The following ATG13 variants were observed in gnomAD, a reference collection of about 807,000 sequenced individuals.
ATG13 encodes autophagy related 13, also known as autophagy-related protein 13.
In ATG13, 23 loss-of-function variants were observed where a neutral mutation model predicts 65.5. That is an observed-to-expected ratio of 0.35 (90% CI 0.25 to 0.50). The LOEUF (loss-of-function observed/expected upper bound fraction) is 0.50, where lower values mean the gene tolerates loss of function less well. Among genes scored for constraint, ATG13 ranks in the 20% least tolerant of loss-of-function variants. The pLI is 0.98. For synonymous variants in ATG13, 252 were observed against 245.2 expected, an observed-to-expected ratio of 1.03 and a Z score of -0.26; for missense variants, 566 against 677.0, an observed-to-expected ratio of 0.84 and a Z score of 1.82.
At chr11:46,623,419 T>C (rs1218006617) in intron 1 of ATG13, among the ~76,000 whole-genome samples, 1 of 152,086 alleles carries the variant, frequency 6.6e-6, no homozygotes, top group Admixed American at 6.6e-5. Context: ...ACTAGTTTTG[T>C]TTTTTTGTTT....
intron 1 of ATG13, among the ~76,000 whole-genome samples, chr11:46,619,715 A>T (rs2046754535): frequency 6.6e-6 from 1 of 151,074 alleles, no homozygotes; most frequent in African/African-American, 2.4e-5. Context: ...TGAAGAGTAA[A>T]TGTGGGCCAG....
chr11:46,638,135 C>T (rs1048283142), intron 2 of ATG13, among the ~76,000 whole-genome samples: 3 of 152,170 alleles, frequency 2.0e-5, no homozygotes, highest in Non-Finnish European at 4.4e-5. Flanking sequence ...GTGATGAGAA[C>T]ATTTAAAAAC....
At chr11:46,649,501 A>G (rs555778315) in intron 6 of ATG13, among the ~76,000 whole-genome samples, 24 of 152,300 alleles carry the variant, frequency 1.6e-4, no homozygotes, top group Admixed American at 1.4e-3. Context: ...TTGTAATATG[A>G]CTACTCTGTT....
intron 7 of ATG13, among the ~76,000 whole-genome samples, chr11:46,655,452 A>C (rs1262287929): frequency 6.6e-6 from 1 of 151,996 alleles, no homozygotes; most frequent in Non-Finnish European, 1.5e-5. Context: ...ATGCGTCTGT[A>C]ATCCCAGCTA....
chr11:46,639,229 G>A (rs959146518), intron 2 of ATG13, among the ~76,000 whole-genome samples: 89 of 152,046 alleles, frequency 5.9e-4, no homozygotes, highest in African/African-American at 1.7e-3. Context: ...CTCATGATCC[G>A]CCTACCTTGG....
chr11:46,621,407 G>C (rs1316897720), intron 1 of ATG13, among the ~76,000 whole-genome samples: 1 of 152,202 alleles, frequency 6.6e-6, no homozygotes. Flanking sequence ...GAGTTAGGGG[G>C]AAGAGTTATC....
chr11:46,623,802 G>T (rs1198151388), intron 1 of ATG13, among the ~76,000 whole-genome samples: 4 of 151,966 alleles, frequency 2.6e-5, no homozygotes, highest in Non-Finnish European at 4.4e-5. Context: ...GAATATTACA[G>T]TGAATTTTTA....
chr11:46,633,301 G>C (rs1230898595), intron 2 of ATG13, among the ~76,000 whole-genome samples: 1 of 151,132 alleles, frequency 6.6e-6, no homozygotes, highest in East Asian at 1.9e-4. Context: ...GATTACAAGC[G>C]TGAGCCACTG....
In ATG13 at chr11:46,654,283, T is replaced by TTATATATA. The variant is rs376147806; in HGVS notation, c.459-1930_459-1923dup. 4.9e-3 allele frequency among the ~76,000 whole-genome samples: 596 copies of TTATATATA among 122,292 alleles called. 4 individuals carry two copies. Among genetic ancestry groups the TTATATATA allele is most frequent in the Middle Eastern group, 0.017 (4 of 242 alleles). 80.2% of individuals were successfully genotyped at this position (122,292 alleles called of 152,430 possible). Reference sequence around the variant, plus strand: ...CCTCATCACTACTATTTTTAAAATTTTATATATATATATATATATATATAT... The same window carrying TTATATATA: ...CCTCATCACTACTATTTTTAAAATTTTATATATATATATATATATATATATATATATAT... On this transcript the variant is annotated intron_variant, in intron 7 of 18. Coordinates refer to ENST00000683050, the MANE Select transcript of ATG13 (RefSeq NM_001346311.2).
rs200401556 is a variant in ATG13, at chr11:46,665,479, C to G, written c.1096C>G (p.Pro366Ala). The G allele has an allele frequency of 4.6e-5, 74 of 1,614,232 alleles. No individual in the cohort carries two copies. In the East Asian group the frequency reaches 1.0e-3, roughly 23 times the overall value. ...ADQERLATCTPSDRTHCAATP... is the reference protein window; with the variant it reads ...ADQERLATCTASDRTHCAATP... ...CCAGGAGAGACTGGCAACCTGCACC[C>G]CTTCTGACAGAACCCACTGTGCTGC... The change falls in exon 14 of 19, where the codon CCT (proline) becomes GCT (alanine). Residue 366 changes from proline to alanine, a missense_variant. By Grantham distance (27) the Pro-to-Ala change is conservative. Around this residue, in one of 2 missense-constraint regions of ATG13, gnomAD observed 387 missense variants for 409.8 expected, o/e 0.94. Coordinates refer to ENST00000683050, the MANE Select transcript of ATG13 (RefSeq NM_001346311.2).
chr11:46,644,161 T>G, intron 2 of ATG13, 118 bp from the exon 3 acceptor site: 1 of 677,264 alleles, frequency 1.5e-6, no homozygotes, highest in Non-Finnish European at 2.2e-6. Flanking sequence ...GAAATTTTTT[T>G]CCTCCCACTC....
At chr11:46,638,997 T>A (rs961691935) in intron 2 of ATG13, among the ~76,000 whole-genome samples, 15 of 140,972 alleles carry the variant, frequency 1.1e-4, no homozygotes, top group African/African-American at 3.6e-4. Context: ...TATTTATTTA[T>A]TTTTTTTTGA....
chr11:46,641,055 AATGTTT>A (rs1219499650), intron 2 of ATG13, among the ~76,000 whole-genome samples: 2 of 152,186 alleles, frequency 1.3e-5, no homozygotes, highest in Non-Finnish European at 2.9e-5. Context: ...AAACAACTCA[AATGTTT>A]ATCATCAGTA....
chr11:46,622,307 C>T (rs1206618252), intron 1 of ATG13, among the ~76,000 whole-genome samples: 4 of 151,276 alleles, frequency 2.6e-5, no homozygotes, highest in Non-Finnish European at 5.9e-5. Context: ...TTAGTAGAGA[C>T]GGGGTTTCAC....
At chr11:46,662,873 T>G (rs1181367120) in intron 11 of ATG13, among the ~76,000 whole-genome samples, 2 of 152,216 alleles carry the variant, frequency 1.3e-5, no homozygotes, top group Non-Finnish European at 2.9e-5. Context: ...AGGATCGTTG[T>G]GCCATTTGGG....
At position 46,668,546 on chromosome 11, in the gene ATG13, G is replaced by A. The variant is rs267602895; in HGVS notation, c.1299G>A (p.Lys433=). Residue 433 remains lysine (K), a synonymous_variant, in exon 16 of 19, where the codon AAG becomes AAA. Transcript: ENST00000683050. ...LDIPFAMFAP[K]NLELEDTDPM... is the part of the protein sequence containing the mutation. ...TACCCTTTGCCATGTTTGCTCCCAA[G>A]AATTTGGAGCTGGAGGATACCGATC... The A allele has an allele frequency of 6.2e-7, 1 of 1,614,236 alleles. No individual in the cohort carries two copies. Among genetic ancestry groups the A allele is most frequent in the Non-Finnish European group, 8.5e-7 (1 of 1,180,046 alleles).
At chr11:46,647,140 C>G (rs769931642) in intron 5 of ATG13, among the ~76,000 whole-genome samples, 1 of 152,170 alleles carries the variant, frequency 6.6e-6, no homozygotes, top group Non-Finnish European at 1.5e-5. Flanking sequence ...CTCGCGTGCT[C>G]TAGAAACTTT....
At chr11:46,624,204 A>G (rs1290865937) in intron 1 of ATG13, among the ~76,000 whole-genome samples, 1 of 152,040 alleles carries the variant, frequency 6.6e-6, no homozygotes, top group Non-Finnish European at 1.5e-5. Context: ...GGGTTTCGCC[A>G]TGTTGGCCAG....
At chr11:46,648,860 G>C in intron 5 of ATG13, 2 of 222,032 alleles carry the variant, frequency 9.0e-6, no homozygotes, top group South Asian at 2.9e-4. Context: ...TAAAATGATA[G>C]TCATATGGTG....
Sources: allele counts gnomAD v4.1 joint callset (sites outside exome capture counted in the v4.1 genomes callset), GRCh38; gene constraint gnomAD v4.1.1; regional missense constraint gnomAD v4.1.1; transcripts MANE v1.5; gene names NCBI Gene and HGNC (gene_info 2026-07-23, HGNC 2026-07-21).